NFASC: variants seen among roughly 807,000 people sequenced by gnomAD.
NFASC encodes the protein neurofascin.
A neutral mutation model predicts 147.5 loss-of-function variants in NFASC; 43 were observed. The observed-to-expected ratio is 0.29, with a 90% confidence interval of 0.23 to 0.38. The LOEUF (loss-of-function observed/expected upper bound fraction) is 0.38. Ranked by LOEUF, NFASC falls within the 10% of genes least tolerant of loss-of-function variation. The probability of loss-of-function intolerance (pLI) is 1.00; values close to 1 mark genes in which losing one functional copy is unlikely to be tolerated. For synonymous variants in NFASC, 622 were observed against 665.5 expected (o/e 0.93, Z 1.01); for missense variants, 1,320 against 1,689.0 (o/e 0.78, Z 3.83).
At chr1:204,833,479 G>A (rs1672835817) in intron 1 of NFASC, among the ~76,000 whole-genome samples, 1 of 103,838 alleles carries the variant, frequency 9.6e-6, no homozygotes, top group South Asian at 3.4e-4. Flanking sequence ...CCAACCCCAG[G>A]TAGAAAAATA....
chr1:204,904,175 A>G (rs1482187111), intron 1 of NFASC, among the ~76,000 whole-genome samples: 2 of 152,120 alleles, frequency 1.3e-5, no homozygotes, highest in East Asian at 1.9e-4. Flanking sequence ...TTGGCTCACT[A>G]CAGCCTCCAC....
At chr1:204,892,761 T>A (rs1418822180) in intron 1 of NFASC, among the ~76,000 whole-genome samples, 1 of 152,264 alleles carries the variant, frequency 6.6e-6, no homozygotes, top group Non-Finnish European at 1.5e-5. Context: ...TGATTTCACC[T>A]GTTTCTTTTT....
intron 1 of NFASC, among the ~76,000 whole-genome samples, chr1:204,892,070 A>G (rs2082510246): frequency 1.3e-5 from 2 of 152,212 alleles, no homozygotes; most frequent in Non-Finnish European, 2.9e-5. Flanking sequence ...TAAGTAAATG[A>G]GTAAGCCCCA....
rs138367007 is a variant in NFASC at position 204,846,086 on chromosome 1, G to A, written c.-200+17304G>A. Among the ~76,000 whole-genome samples the A allele has an allele frequency of 7.4e-3, 1,121 of 151,768 alleles. 9 individuals carry two copies. The highest frequency in any genetic ancestry group is 0.026 in the African/African-American group (1,068 of 41,332). On this transcript the variant is annotated intron_variant, in intron 1 of 29. Transcript: ENST00000339876. Reference sequence around the variant, plus strand: ...AAAATGGGGCCCATGGCTGGGCGCCGTGGCTCACACCTGTAATCCCAGCAT... The same window carrying A: ...AAAATGGGGCCCATGGCTGGGCGCCATGGCTCACACCTGTAATCCCAGCAT...
At chr1:204,949,213 G>A (rs2149899687) in intron 3 of NFASC, among the ~76,000 whole-genome samples, 1 of 152,286 alleles carries the variant, frequency 6.6e-6, no homozygotes, top group African/African-American at 2.4e-5. Flanking sequence ...GTACGGCAGG[G>A]CCCTTGTCCT....
intron 1 of NFASC, among the ~76,000 whole-genome samples, chr1:204,867,717 C>T (rs1272802937): frequency 6.6e-6 from 1 of 152,172 alleles, no homozygotes; most frequent in Non-Finnish European, 1.5e-5. Flanking sequence ...TCCCCAGAGA[C>T]ACACATGCTA....
chr1:204,872,953 C>T (rs1378709324), intron 1 of NFASC, among the ~76,000 whole-genome samples: 2 of 152,202 alleles, frequency 1.3e-5, no homozygotes, highest in Non-Finnish European at 2.9e-5. Flanking sequence ...CCTGGTGTCA[C>T]ACTGTCGGTG....
rs970538642 is a variant in NFASC at position 205,016,590 on chromosome 1, A to G, written c.*51A>G. 1 of 1,377,858 alleles carries G rather than the reference A, an allele frequency of 7.3e-7. No homozygotes were observed. The highest frequency in any genetic ancestry group is 1.0e-6 in the Non-Finnish European group (1 of 967,578). 85.4% of individuals were successfully genotyped at this position (1,377,858 alleles called of 1,614,324 possible). On this transcript the variant is annotated 3_prime_UTR_variant, in exon 30 of 30. Coordinates refer to ENST00000339876, the MANE Select transcript of NFASC (RefSeq NM_001005388.3). This position sits in a 1 kb window ranked among gnomAD's most constrained non-coding sequence, Gnocchi z 5.1. The stretch of plus-strand genomic sequence containing the variant: ...ACTTTGCAAGTGGGAGGAGGGGAGA[A>G]GGGGAGACAAAACCACTGCAGACCT...
chr1:204,972,970 C>T (rs1246908917), intron 11 of NFASC, among the ~76,000 whole-genome samples: 1 of 152,198 alleles, frequency 6.6e-6, no homozygotes, highest in Non-Finnish European at 1.5e-5. Flanking sequence ...GTGGTTAGAA[C>T]CAAAACTCCT....
chr1:204,925,813 G>A (rs2091395356), intron 2 of NFASC, among the ~76,000 whole-genome samples: 2 of 152,226 alleles, frequency 1.3e-5, no homozygotes, highest in Admixed American at 6.5e-5. Context: ...ATGAGCAGAT[G>A]TGTCCAGATG....
chr1:204,870,707 G>GGCC, intron 1 of NFASC: 1 of 1,099,334 alleles, frequency 9.1e-7, no homozygotes, highest in South Asian at 2.5e-5. Flanking sequence ...AGGGGTGAGT[G>GGCC]GTTATTAATA....
intron 1 of NFASC, 123 bp downstream of exon 1, chr1:204,828,905 A>G: frequency 1.0e-5 from 5 of 479,520 alleles, no homozygotes; most frequent in Non-Finnish European, 1.2e-5. Context: ...CCCTCCGTCC[A>G]CATTCCCATC....
chr1:204,851,356 G>A (rs1036487393), intron 1 of NFASC, among the ~76,000 whole-genome samples: 4 of 144,762 alleles, frequency 2.8e-5, no homozygotes, highest in Non-Finnish European at 4.5e-5. Flanking sequence ...TTTTTGAGAC[G>A]GAGTCTCACT....
intron 1 of NFASC, among the ~76,000 whole-genome samples, chr1:204,867,428 C>T (rs1484951180): frequency 6.6e-6 from 1 of 151,780 alleles, no homozygotes; most frequent in Non-Finnish European, 1.5e-5. Flanking sequence ...CACACACACA[C>T]ACACACACAC....
chr1:204,957,717 C>T lies in NFASC; in HGVS notation c.597C>T (p.Phe199=). Reference sequence around the variant, plus strand: ...AGGGCCATAACGGAGACCTATACTTCTCCAACGTGATGCTGCAGGACATGC... The same window carrying T: ...AGGGCCATAACGGAGACCTATACTTTTCCAACGTGATGCTGCAGGACATGC... ...VSQGHNGDLY[F]SNVMLQDMQT... The change falls in exon 8 of 30, where the codon TTC becomes TTT. Residue 199 remains phenylalanine (F), a synonymous_variant. Transcript: ENST00000339876. The T allele has an allele frequency of 6.2e-7, 1 of 1,614,166 alleles. No individual in the cohort carries two copies. Among genetic ancestry groups the T allele is most frequent in the Non-Finnish European group, 8.5e-7 (1 of 1,180,000 alleles).
At chr1:205,003,718 C>T (rs78901358) in intron 27 of NFASC, among the ~76,000 whole-genome samples, 5,493 of 152,296 alleles carry the variant, frequency 0.036, 350 homozygotes, top group African/African-American at 0.13. Context: ...CAGTGATTTA[C>T]ATGAACTTCT....
chr1:204,923,201 C>T (rs10900434), intron 2 of NFASC, among the ~76,000 whole-genome samples: 108,382 of 152,086 alleles, frequency 0.71, 40,036 homozygotes, highest in Admixed American at 0.81. Flanking sequence ...AAGTGTTCCC[C>T]GGGGCTGCAG....
Position 204,981,990 on chromosome 1 carries a change from G to C in NFASC, c.2440G>C (p.Glu814Gln). The C allele has an allele frequency of 1.3e-6, 2 of 1,596,218 alleles. No individual in the cohort carries two copies. Among genetic ancestry groups the C allele is most frequent in the Non-Finnish European group, 1.7e-6 (2 of 1,171,482 alleles). ...TGACTTCGGGAAGGGCCCTGAGCCA[G>C]AGTCCGTCATCGGTTACTCCGGAGA... ...ENDFGKGPEP[E>Q]SVIGYSGEDL... The change falls in exon 21 of 30, where the codon GAG becomes CAG. Residue 814 changes from glutamate to glutamine, a missense_variant. Glu to Gln is a conservative substitution (Grantham distance 29, BLOSUM62 2). Transcript: ENST00000339876.
In NFASC at chr1:205,021,517, C is replaced by T. The variant is rs909728293; in HGVS notation, c.*4978C>T. ...CCAGAGCTGATCTCATTGAAATGAT[C>T]TATCGTACAGACAAGGATATGCAAA... On this transcript the variant is annotated 3_prime_UTR_variant, in exon 30 of 30. Coordinates refer to ENST00000339876, the MANE Select transcript of NFASC (RefSeq NM_001005388.3). 6.5e-6 allele frequency: 1 copy of T among 152,862 alleles called. No individual in the cohort carries two copies. The highest frequency in any genetic ancestry group is 2.4e-5 in the African/African-American group (1 of 41,466). 9.5% of individuals were successfully genotyped at this position (152,862 alleles called of 1,614,324 possible).
Sources: gnomAD v4.1 joint callset for allele counts (sites outside exome capture counted in the v4.1 genomes callset) on GRCh38, gnomAD v4.1.1 for gene constraint, Gnocchi (gnomAD v3.1) non-coding constraint, MANE v1.5 for transcripts, NCBI Gene and HGNC (gene_info 2026-07-23, HGNC 2026-07-21) for gene names.